Variants in GALNT18 observed in about 807,000 individuals in gnomAD.
GALNT18 encodes the protein polypeptide N-acetylgalactosaminyltransferase 18.
A neutral mutation model predicts 69.5 loss-of-function variants in GALNT18; 44 were observed. The ratio of observed to expected loss-of-function variants is 0.63; its 90% CI spans 0.50 to 0.81. The LOEUF is 0.81. Among genes scored for constraint, GALNT18 ranks in the 40% least tolerant of loss-of-function variants. GALNT18 has a pLI of 0.00. For synonymous variants in GALNT18, 364 were observed against 318.2 expected, an observed-to-expected ratio of 1.14 and a Z score of -1.53; for missense variants, 715 against 810.0, an observed-to-expected ratio of 0.88 and a Z score of 1.42.
chr11:11,500,917 T>C lies in GALNT18; in HGVS notation c.236-51981A>G, dbSNP rs946830452. ...CGGGCAGCCAGGTGCACAGCAGGGA[T>C]GCACCTCAGGCCGATTTGCTAGCTG... On this transcript the variant is annotated intron_variant, in intron 1 of 10. Transcript: ENST00000227756. The surrounding 1 kb of genome is among the most constrained non-coding windows in gnomAD (Gnocchi z 5.0). Among the ~76,000 whole-genome samples, 4 of 152,336 alleles carry C rather than the reference T, an allele frequency of 2.6e-5. No homozygotes were observed. The highest frequency in any genetic ancestry group is 1.3e-4 in the Admixed American group (2 of 15,300).
intron 1 of GALNT18, among the ~76,000 whole-genome samples, chr11:11,490,565 G>A (rs1856746822): frequency 6.6e-6 from 1 of 152,102 alleles, no homozygotes; most frequent in Non-Finnish European, 1.5e-5. Flanking sequence ...AGAAATGAAT[G>A]GAGGCTCAGT....
Position 11,618,610 on chromosome 11 carries a change from C to CT in GALNT18, c.235+2748dup, listed in dbSNP as rs1249540867. Among the ~76,000 whole-genome samples the CT allele has an allele frequency of 3.9e-5, 6 of 152,146 alleles. No homozygotes were observed. Among genetic ancestry groups the CT allele is most frequent in the Non-Finnish European group, 8.8e-5 (6 of 68,020 alleles). The stretch of plus-strand genomic sequence containing the variant: ...TTTAGTACGTGGGTAAGAACTTAGA[C>CT]TTCTGAAGCCACACTAGCTGAGCTT... On this transcript the variant is annotated intron_variant, in intron 1 of 10. Transcript: ENST00000227756. This position sits in a 1 kb window ranked among gnomAD's most constrained non-coding sequence, Gnocchi z 6.1.
intron 1 of GALNT18, among the ~76,000 whole-genome samples, chr11:11,510,333 G>A (rs962502683): frequency 2.6e-5 from 4 of 152,322 alleles, no homozygotes; most frequent in Admixed American, 6.5e-5. Context: ...CAGGGGCCCT[G>A]TGAGAAGGGC....
rs1051283766 is a variant in GALNT18 at position 11,546,416 on chromosome 11, C to T, written c.235+74943G>A. Among the ~76,000 whole-genome samples, 2 of 152,194 alleles carry T rather than the reference C, an allele frequency of 1.3e-5. No homozygotes were observed. Among genetic ancestry groups the T allele is most frequent in the Non-Finnish European group, 2.9e-5 (2 of 68,024 alleles). Reference sequence around the variant, plus strand: ...CTGTGCCAACCACACCAACCTGCTGCCTGAGGCTCTGTCACATCATCTCTT... The same window carrying T: ...CTGTGCCAACCACACCAACCTGCTGTCTGAGGCTCTGTCACATCATCTCTT... On this transcript the variant is annotated intron_variant, in intron 1 of 10. Coordinates refer to ENST00000227756, the MANE Select transcript of GALNT18 (RefSeq NM_198516.3). The surrounding 1 kb of genome is among the most constrained non-coding windows in gnomAD (Gnocchi z 5.8).
intron 1 of GALNT18, among the ~76,000 whole-genome samples, chr11:11,554,432 C>T (rs1858279968): frequency 6.6e-6 from 1 of 150,448 alleles, no homozygotes; most frequent in Non-Finnish European, 1.5e-5. Context: ...TTCAGCATGT[C>T]TTTCATGAAA....
Position 11,469,364 on chromosome 11 carries a change from AAT to A in GALNT18, c.236-20430_236-20429del, listed in dbSNP as rs1187916770. On this transcript the variant is annotated intron_variant, in intron 1 of 10. Coordinates refer to ENST00000227756, the MANE Select transcript of GALNT18 (RefSeq NM_198516.3). This position sits in a 1 kb window ranked among gnomAD's most constrained non-coding sequence, Gnocchi z 4.2. The stretch of plus-strand genomic sequence containing the variant: ...TATAAGCACTTCCAAGCTTCACAGC[AAT>A]AGACAGTCCTCGTCAAGTTTGTTGT... 6.6e-6 allele frequency among the ~76,000 whole-genome samples: 1 copy of A among 152,230 alleles called. No homozygotes were observed. The highest frequency in any genetic ancestry group is 1.5e-5 in the Non-Finnish European group (1 of 68,044).
chr11:11,468,989 A>C (rs1225592497), intron 1 of GALNT18, among the ~76,000 whole-genome samples: 1 of 152,204 alleles, frequency 6.6e-6, no homozygotes, highest in African/African-American at 2.4e-5. Context: ...ACAGATGGAC[A>C]GTCCTATAGA....
intron 10 of GALNT18, among the ~76,000 whole-genome samples, chr11:11,274,940 T>A (rs185364095): frequency 6.6e-6 from 1 of 152,256 alleles, no homozygotes; most frequent in Non-Finnish European, 1.5e-5. Flanking sequence ...GTTTATCCAG[T>A]CTAGTGTTGA....
At chr11:11,399,660 C>T (rs922299949) in intron 3 of GALNT18, among the ~76,000 whole-genome samples, 2 of 152,184 alleles carry the variant, frequency 1.3e-5, no homozygotes, top group African/African-American at 4.8e-5. Flanking sequence ...GGGTTTAAAT[C>T]CCAACCCCAC....
chr11:11,611,624 T>C (rs1043441264), intron 1 of GALNT18, among the ~76,000 whole-genome samples: 1 of 152,160 alleles, frequency 6.6e-6, no homozygotes, highest in African/African-American at 2.4e-5. Context: ...CTTTCAGTTT[T>C]AAAACAGGGA....
rs192683141 is a variant in GALNT18, at chr11:11,547,662, A to G, written c.235+73697T>C. 1.2e-4 allele frequency among the ~76,000 whole-genome samples: 19 copies of G among 152,350 alleles called. 1 individual carries two copies. In the East Asian group the frequency reaches 3.1e-3, roughly 25 times the overall value. ...GCAAGCCCCTGCTCGAGACCCTGCT[A>G]CCATGAATCTTAGGGTTCTAAGCCA... On this transcript the variant is annotated intron_variant, in intron 1 of 10. Coordinates refer to ENST00000227756, the MANE Select transcript of GALNT18 (RefSeq NM_198516.3).
At chr11:11,345,143 G>C (rs924046593) in intron 6 of GALNT18, among the ~76,000 whole-genome samples, 1 of 152,166 alleles carries the variant, frequency 6.6e-6, no homozygotes, top group African/African-American at 2.4e-5. Context: ...AGGGAGCACT[G>C]GTCAACATTT....
In GALNT18 at chr11:11,576,905, A is replaced by C. The variant is rs1393180742; in HGVS notation, c.235+44454T>G. 2.6e-5 allele frequency among the ~76,000 whole-genome samples: 4 copies of C among 152,194 alleles called. 1 individual carries two copies. The highest frequency in any genetic ancestry group is 2.6e-4 in the Admixed American group (4 of 15,282). On this transcript the variant is annotated intron_variant, in intron 1 of 10. Transcript: ENST00000227756. Reference sequence around the variant, plus strand: ...TGAACGCACACCTTTAGTGCCACAGAGACAGAGCAGATGGGGTGGCTGGCT... The same window carrying C: ...TGAACGCACACCTTTAGTGCCACAGCGACAGAGCAGATGGGGTGGCTGGCT...
rs903233160 is a variant in GALNT18, at chr11:11,421,369, A to G, written c.595+11252T>C. Among the ~76,000 whole-genome samples the G allele has an allele frequency of 6.6e-6, 1 of 152,168 alleles. No homozygotes were observed. Among genetic ancestry groups the G allele is most frequent in the African/African-American group, 2.4e-5 (1 of 41,448 alleles). On this transcript the variant is annotated intron_variant, in intron 3 of 10. Transcript: ENST00000227756. This position sits in a 1 kb window ranked among gnomAD's most constrained non-coding sequence, Gnocchi z 5.6. The stretch of plus-strand genomic sequence containing the variant: ...AGGCATCACTAAGGATGCTCATTTC[A>G]GGAGGAGCTTATCGGTGGGAAGTCC...
At chr11:11,324,402 A>C (rs962351173) in intron 9 of GALNT18, among the ~76,000 whole-genome samples, 4 of 152,234 alleles carry the variant, frequency 2.6e-5, no homozygotes, top group African/African-American at 7.2e-5. Context: ...CCATAGTCCA[A>C]GTGTCCATCA....
intron 6 of GALNT18, among the ~76,000 whole-genome samples, chr11:11,346,595 A>T (rs1850307379): frequency 6.6e-6 from 1 of 152,236 alleles, no homozygotes; most frequent in African/African-American, 2.4e-5. Flanking sequence ...GATAGCAGGC[A>T]GCTTCCTCTT....
At chr11:11,569,397 T>C (rs1456593748) in intron 1 of GALNT18, among the ~76,000 whole-genome samples, 2 of 152,174 alleles carry the variant, frequency 1.3e-5, no homozygotes, top group African/African-American at 4.8e-5. Flanking sequence ...AAAAAGGTTC[T>C]TTGGAGTGAG....
intron 7 of GALNT18, among the ~76,000 whole-genome samples, chr11:11,333,530 A>T (rs1282762246): frequency 6.6e-6 from 1 of 152,142 alleles, no homozygotes; most frequent in Non-Finnish European, 1.5e-5. Context: ...GAACCCAATT[A>T]ACCTGGGTCT....
At chr11:11,279,997 G>A (rs952358145) in intron 10 of GALNT18, among the ~76,000 whole-genome samples, 16 of 152,140 alleles carry the variant, frequency 1.1e-4, no homozygotes, top group Non-Finnish European at 1.9e-4. Context: ...GGGTGGAGGG[G>A]ACTGTGTATG....
Sources: gnomAD v4.1 joint callset for allele counts (sites outside exome capture counted in the v4.1 genomes callset) on GRCh38, gnomAD v4.1.1 for gene constraint, Gnocchi (gnomAD v3.1) non-coding constraint, MANE v1.5 for transcripts, NCBI Gene and HGNC (gene_info 2026-07-23, HGNC 2026-07-21) for gene names.